The following GALNT17 variants were observed in gnomAD, a reference collection of about 807,000 sequenced individuals.
The protein encoded by GALNT17 is UDP-GalNAc:polypeptide N-acetylgalactosaminyltransferase-like 3.
A neutral mutation model predicts 63.7 loss-of-function variants in GALNT17; 29 were observed. That is an observed-to-expected ratio of 0.46 (90% CI 0.34 to 0.62). The LOEUF (loss-of-function observed/expected upper bound fraction) is 0.62, where lower values mean the gene tolerates loss of function less well. Among genes scored for constraint, GALNT17 ranks in the 20% least tolerant of loss-of-function variants. The pLI is 0.01. For synonymous variants in GALNT17, 305 were observed against 318.3 expected (o/e 0.96, Z 0.45); for missense variants, 603 against 799.6 (o/e 0.75, Z 2.97).
intron 5 of GALNT17, among the ~76,000 whole-genome samples, chr7:71,507,877 A>G (rs1380667574): frequency 2.0e-5 from 3 of 152,212 alleles, no homozygotes; most frequent in African/African-American, 4.8e-5. Flanking sequence ...GCCTCAGATC[A>G]GCATGCAGCT....
At chr7:71,576,568 TTG>T (rs913770730) in intron 6 of GALNT17, among the ~76,000 whole-genome samples, 4 of 150,944 alleles carry the variant, frequency 2.6e-5, no homozygotes, top group Non-Finnish European at 5.9e-5. Flanking sequence ...TGTGTGTGTT[TTG>T]TTTGTTTGTT....
chr7:71,474,004 A>G (rs527559882), intron 5 of GALNT17, among the ~76,000 whole-genome samples: 1 of 152,300 alleles, frequency 6.6e-6, no homozygotes, highest in African/African-American at 2.4e-5. Flanking sequence ...AAGGATACTT[A>G]TAGTTATTTC....
intron 5 of GALNT17, among the ~76,000 whole-genome samples, chr7:71,540,502 G>A (rs978415458): frequency 6.6e-6 from 1 of 152,036 alleles, no homozygotes; most frequent in African/African-American, 2.4e-5. Flanking sequence ...TGTCCCCGTG[G>A]TGTGTAGGTG....
intron 5 of GALNT17, among the ~76,000 whole-genome samples, chr7:71,518,961 C>G (rs1032714494): frequency 3.9e-5 from 6 of 152,162 alleles, no homozygotes; most frequent in African/African-American, 1.2e-4. Flanking sequence ...AGGAGAAAGA[C>G]GTCATTTCTT....
chr7:71,480,474 G>C (rs1787799597), intron 5 of GALNT17, among the ~76,000 whole-genome samples: 1 of 151,942 alleles, frequency 6.6e-6, no homozygotes, highest in Non-Finnish European at 1.5e-5. Context: ...GCCTCGAACA[G>C]CCAGTGCAGT....
intron 6 of GALNT17, among the ~76,000 whole-genome samples, chr7:71,581,219 G>A (rs1413372834): frequency 1.3e-5 from 2 of 152,154 alleles, no homozygotes; most frequent in African/African-American, 4.8e-5. Flanking sequence ...GAGTACAGTG[G>A]CTCAATCTCA....
chr7:71,352,441 G>A (rs1792206140), intron 2 of GALNT17, among the ~76,000 whole-genome samples: 1 of 152,200 alleles, frequency 6.6e-6, no homozygotes, highest in African/African-American at 2.4e-5. Context: ...TGGGTTTTAG[G>A]TTGCAACATA....
intron 6 of GALNT17, among the ~76,000 whole-genome samples, chr7:71,589,639 G>A (rs2116914006): frequency 6.6e-6 from 1 of 151,862 alleles, no homozygotes; most frequent in Admixed American, 6.6e-5. Flanking sequence ...AGACACTGTA[G>A]TAAACGCTTT....
intron 1 of GALNT17, among the ~76,000 whole-genome samples, chr7:71,265,118 A>ATATATATATATATATATATATATTTTTTT (rs1390488895): frequency 2.7e-5 from 1 of 37,452 alleles, no homozygotes; most frequent in African/African-American, 6.9e-5. Context: ...ATATATATAT[A>ATATATATATATATATATATATATTTTTTT]TTTTTTTTTT....
intron 5 of GALNT17, among the ~76,000 whole-genome samples, chr7:71,568,716 ATGTAAGGG>A (rs1789389247): frequency 1.3e-5 from 2 of 152,184 alleles, no homozygotes; most frequent in East Asian, 3.9e-4. Flanking sequence ...TGAATTTATT[ATGTAAGGG>A]TGACTATAAA....
rs1012828522 is a variant in GALNT17 at position 71,603,231 on chromosome 7, A to T, written c.1080+31829A>T. ...ACTAGATACTATGTTAAGTGCATAC[A>T]CTGGATACTGTGCTAAGTGCATATA... On this transcript the variant is annotated intron_variant, in intron 6 of 10. Transcript: ENST00000333538. Among the ~76,000 whole-genome samples the T allele has an allele frequency of 2.0e-5, 3 of 151,832 alleles. No individual in the cohort carries two copies. The South Asian group carries it at 6.2e-4, about 31-fold the overall frequency.
At chr7:71,589,978 A>G (rs1789774581) in intron 6 of GALNT17, among the ~76,000 whole-genome samples, 1 of 152,214 alleles carries the variant, frequency 6.6e-6, no homozygotes, top group Non-Finnish European at 1.5e-5. Context: ...AAACAATTCC[A>G]TCTGCAATAG....
chr7:71,486,382 TA>T (rs1787910325), intron 5 of GALNT17, among the ~76,000 whole-genome samples: 2 of 123,694 alleles, frequency 1.6e-5, no homozygotes, highest in Non-Finnish European at 3.5e-5. Flanking sequence ...ATAATAATAA[TA>T]ATAATAGTAA....
chr7:71,616,568 A>T, intron 6 of GALNT17, among the ~76,000 whole-genome samples: 1 of 146,214 alleles, frequency 6.8e-6, no homozygotes, highest in Non-Finnish European at 1.5e-5. Flanking sequence ...ATAACTATAT[A>T]ATCTGATATT....
At chr7:71,639,499 G>A (rs945986501) in intron 6 of GALNT17, among the ~76,000 whole-genome samples, 3 of 152,166 alleles carry the variant, frequency 2.0e-5, no homozygotes, top group Admixed American at 2.0e-4. Flanking sequence ...TGCCTTCAGA[G>A]GTTCTGACAC....
At chr7:71,328,150 C>T (rs1413804341) in intron 1 of GALNT17, among the ~76,000 whole-genome samples, 1 of 152,212 alleles carries the variant, frequency 6.6e-6, no homozygotes, top group Non-Finnish European at 1.5e-5. Context: ...TGTCCTTCCT[C>T]TCTTTATCTT....
chr7:71,458,963 G>C (rs1362184564), intron 5 of GALNT17, among the ~76,000 whole-genome samples: 1 of 152,146 alleles, frequency 6.6e-6, no homozygotes, highest in East Asian at 1.9e-4. Context: ...TAGGGCCACA[G>C]GTTTCCAGGC....
intron 1 of GALNT17, among the ~76,000 whole-genome samples, chr7:71,310,107 G>C (rs1168081149): frequency 6.6e-6 from 1 of 152,182 alleles, no homozygotes; most frequent in Non-Finnish European, 1.5e-5. Flanking sequence ...TGTCATGATT[G>C]TGAGGCCTCC....
chr7:71,601,007 C>T (rs1004826737), intron 6 of GALNT17, among the ~76,000 whole-genome samples: 22 of 152,018 alleles, frequency 1.4e-4, no homozygotes, highest in Admixed American at 5.9e-4. Context: ...TGAGAACATA[C>T]AATGTTTGGT....
Sources: allele counts gnomAD v4.1 joint callset (sites outside exome capture counted in the v4.1 genomes callset), GRCh38; gene constraint gnomAD v4.1.1; transcripts MANE v1.5; gene names NCBI Gene and HGNC (gene_info 2026-07-23, HGNC 2026-07-21).